The following LRRC1 variants were observed in gnomAD, a reference collection of about 807,000 sequenced individuals.
The protein encoded by LRRC1 is leucine rich repeat containing 1.
LRRC1 carries 28 observed loss-of-function variants against 69.9 expected under a neutral mutation model. The ratio of observed to expected loss-of-function variants is 0.40; its 90% CI spans 0.30 to 0.55. The LOEUF is 0.55. Among genes scored for constraint, LRRC1 ranks in the 20% least tolerant of loss-of-function variants. The pLI is 0.47. For missense variants in LRRC1, 498 were observed against 609.0 expected (o/e 0.82, Z 1.92); for synonymous variants, 236 against 240.2 (o/e 0.98, Z 0.16).
chr6:53,818,453 T>G (rs1276920168), intron 1 of LRRC1, among the ~76,000 whole-genome samples: 1 of 152,210 alleles, frequency 6.6e-6, no homozygotes, highest in Non-Finnish European at 1.5e-5. Context: ...AATGAAATTG[T>G]TGAATAAATT....
intron 1 of LRRC1, among the ~76,000 whole-genome samples, chr6:53,808,056 G>A (rs894230399): frequency 3.9e-5 from 6 of 152,354 alleles, no homozygotes; most frequent in Non-Finnish European, 8.8e-5. Flanking sequence ...GTTTTCATCA[G>A]TTGAAGTGTG....
At chr6:53,818,251 G>T (rs893932689) in intron 1 of LRRC1, among the ~76,000 whole-genome samples, 1 of 152,022 alleles carries the variant, frequency 6.6e-6, no homozygotes, top group Non-Finnish European at 1.5e-5. Context: ...CGGCTTTTTT[G>T]GAAGTCATTC....
intron 4 of LRRC1, among the ~76,000 whole-genome samples, chr6:53,888,356 CA>C (rs1342964452): frequency 1.3e-5 from 2 of 151,870 alleles, no homozygotes; most frequent in Admixed American, 6.6e-5. Flanking sequence ...ATTCTATTTA[CA>C]AAACACAAAA....
chr6:53,812,868 T>A (rs1384344973), intron 1 of LRRC1, among the ~76,000 whole-genome samples: 3 of 150,578 alleles, frequency 2.0e-5, no homozygotes, highest in Admixed American at 1.3e-4. Flanking sequence ...GAGAAAGGAA[T>A]GGGAGGGGGA....
At position 53,897,294 on chromosome 6, in the gene LRRC1, A is replaced by C; in HGVS notation, c.577A>C (p.Ile193Leu). The C allele has an allele frequency of 1.2e-6, 2 of 1,609,378 alleles. No homozygotes were observed. The highest frequency in any genetic ancestry group is 1.7e-6 in the Non-Finnish European group (2 of 1,176,654). The change falls in exon 7 of 14, where the codon ATT (isoleucine) becomes CTT (leucine). Residue 193 changes from isoleucine (I) to leucine (L), a missense_variant. By Grantham distance (5) the Ile-to-Leu change is conservative. This residue lies in a region of LRRC1 where 266 missense variants were observed against 383.9 expected (regional missense o/e 0.69). Transcript: ENST00000370888. ...NNEIYNLPESIGALLHLKDLW... is the reference protein window; with the variant it reads ...NNEIYNLPESLGALLHLKDLW... ...TTTTCTTTTGTTTTAGCCAGAATCA[A>C]TTGGAGCCCTCTTACATCTAAAAGA...
In LRRC1 at chr6:53,812,473, G is replaced by A. The variant is rs962589607; in HGVS notation, c.159+17058G>A. The stretch of plus-strand genomic sequence containing the variant: ...TGGGAGGCCGAGGCGGGCGGATCAC[G>A]AGGTCAGGAGATCGAGACCATCCTG... On this transcript the variant is annotated intron_variant, in intron 1 of 13. Coordinates refer to ENST00000370888, the MANE Select transcript of LRRC1 (RefSeq NM_018214.5). Among the ~76,000 whole-genome samples the A allele has an allele frequency of 6.7e-4, 101 of 151,536 alleles. 2 individuals carry two copies. Among genetic ancestry groups the A allele is most frequent in the African/African-American group, 2.3e-3 (93 of 41,328 alleles).
chr6:53,868,230 T>A (rs570806748), intron 2 of LRRC1, among the ~76,000 whole-genome samples: 1 of 151,864 alleles, frequency 6.6e-6, no homozygotes, highest in East Asian at 1.9e-4. Context: ...ACTCTTTTTT[T>A]TTTTTTTTTG....
intron 1 of LRRC1, among the ~76,000 whole-genome samples, chr6:53,833,989 C>T (rs960402569): frequency 2.0e-5 from 3 of 152,148 alleles, no homozygotes; most frequent in African/African-American, 7.2e-5. Flanking sequence ...TTCTAATTGC[C>T]AGTTGAACAG....
At chr6:53,810,592 C>T (rs369639428) in intron 1 of LRRC1, among the ~76,000 whole-genome samples, 1 of 151,976 alleles carries the variant, frequency 6.6e-6, no homozygotes, top group Non-Finnish European at 1.5e-5. Context: ...TGCACTCCAG[C>T]CTGGGCGACA....
intron 4 of LRRC1, among the ~76,000 whole-genome samples, chr6:53,890,467 G>A (rs571217586): frequency 1.3e-5 from 2 of 152,086 alleles, no homozygotes; most frequent in African/African-American, 2.4e-5. Flanking sequence ...CCTTAATTTT[G>A]AGTGAGCTTG....
rs1428852703 is a variant in LRRC1, at chr6:53,892,011, T to TATATACACACACACAC, written c.447-4486_447-4485insTATACACACACACACA. 5.1e-4 allele frequency among the ~76,000 whole-genome samples: 69 copies of TATATACACACACACAC among 135,372 alleles called. 2 individuals carry two copies. Among genetic ancestry groups the TATATACACACACACAC allele is most frequent in the Admixed American group, 2.2e-3 (28 of 12,600 alleles). The allele number at this position is 135,372 out of a possible 152,430, so 88.8% of individuals were successfully genotyped here. A position where few individuals can be genotyped will look rare whatever the true frequency, so the allele number is the denominator to read the frequency against. On this transcript the variant is annotated intron_variant, in intron 4 of 13. Coordinates refer to ENST00000370888, the MANE Select transcript of LRRC1 (RefSeq NM_018214.5). Reference sequence around the variant, plus strand: ...TGTCTAAAAAAAAAATATATATATATACACACACACACACACACACACACA... The same window carrying TATATACACACACACAC: ...TGTCTAAAAAAAAAATATATATATATATATACACACACACACACACACACACACACACACACACACA...
intron 5 of LRRC1, 110 bp downstream of exon 5, chr6:53,896,664 G>T: frequency 8.8e-7 from 1 of 1,137,482 alleles, no homozygotes. Flanking sequence ...TGGGAAGTTT[G>T]GGGGATGCCA....
At chr6:53,908,278 G>C (rs1768301570) in intron 10 of LRRC1, among the ~76,000 whole-genome samples, 1 of 152,182 alleles carries the variant, frequency 6.6e-6, no homozygotes, top group Admixed American at 6.5e-5. Flanking sequence ...AAATGAAAGA[G>C]ACGCCAACTA....
chr6:53,837,878 G>A (rs1581863918), intron 1 of LRRC1, among the ~76,000 whole-genome samples: 1 of 152,212 alleles, frequency 6.6e-6, no homozygotes, highest in African/African-American at 2.4e-5. Context: ...GATGGGTGTA[G>A]CATAACAACC....
intron 1 of LRRC1, among the ~76,000 whole-genome samples, chr6:53,840,704 A>G (rs966769669): frequency 6.6e-6 from 1 of 151,908 alleles, no homozygotes; most frequent in African/African-American, 2.4e-5. Flanking sequence ...TCTTTTATCA[A>G]TGCTACAATA....
chr6:53,889,842 A>G (rs1349362791), intron 4 of LRRC1, among the ~76,000 whole-genome samples: 2 of 152,230 alleles, frequency 1.3e-5, no homozygotes, highest in Non-Finnish European at 2.9e-5. Context: ...GAAGCTGGGT[A>G]CTGCTGAAGG....
chr6:53,883,817 A>G (rs191364387), intron 4 of LRRC1: 10 of 675,308 alleles, frequency 1.5e-5, no homozygotes, highest in East Asian at 5.4e-5. Flanking sequence ...AAGACAGAAC[A>G]GAAACTTGCT....
chr6:53,840,927 T>TGTGCGC (rs578018808), intron 1 of LRRC1, among the ~76,000 whole-genome samples: 207 of 132,592 alleles, frequency 1.6e-3, no homozygotes, highest in East Asian at 3.8e-3. Context: ...TGTGTGTGTG[T>TGTGCGC]GCGTGCGCGC....
chr6:53,849,577 C>T (rs2127418829), intron 2 of LRRC1, among the ~76,000 whole-genome samples: 1 of 152,222 alleles, frequency 6.6e-6, no homozygotes, highest in South Asian at 2.1e-4. Context: ...GATGGTAACA[C>T]CAACATGCTC....
Sources: gnomAD v4.1 joint callset for allele counts (sites outside exome capture counted in the v4.1 genomes callset) on GRCh38, gnomAD v4.1.1 for gene constraint, gnomAD v4.1.1 regional missense constraint, MANE v1.5 for transcripts, NCBI Gene and HGNC (gene_info 2026-07-23, HGNC 2026-07-21) for gene names.